Variants in AGBL1 observed in about 807,000 individuals in gnomAD.
AGBL1 encodes the protein cytosolic carboxypeptidase 4.
A neutral mutation model predicts 118.9 loss-of-function variants in AGBL1; 130 were observed. That is an observed-to-expected ratio of 1.09 (90% CI 0.95 to 1.26). The LOEUF (loss-of-function observed/expected upper bound fraction) is 1.26, where lower values mean the gene tolerates loss of function less well. Ranked by LOEUF, AGBL1 falls within the 50% of genes most tolerant of loss-of-function variation. AGBL1 has a pLI of 0.00. For missense variants in AGBL1, 1,584 were observed against 1,298.1 expected (o/e 1.22, Z -3.38); for synonymous variants, 555 against 478.9 (o/e 1.16, Z -2.08).
intron 21 of AGBL1, among the ~76,000 whole-genome samples, chr15:86,564,133 T>A (rs1163264953): frequency 6.6e-6 from 1 of 152,188 alleles, no homozygotes; most frequent in Non-Finnish European, 1.5e-5. Context: ...CATTTATATT[T>A]AAGGTTAATA....
intron 16 of AGBL1, among the ~76,000 whole-genome samples, chr15:86,284,247 G>A (rs111677403): frequency 2.7e-5 from 4 of 149,814 alleles, no homozygotes; most frequent in African/African-American, 9.8e-5. Context: ...GGCTACTGAT[G>A]GTTTTCTTGG....
chr15:86,252,500 C>T (rs561047475), intron 7 of AGBL1, among the ~76,000 whole-genome samples: 1 of 152,256 alleles, frequency 6.6e-6, no homozygotes, highest in South Asian at 2.1e-4. Context: ...GACTCATCAT[C>T]TTCAGGAAAC....
chr15:86,365,979 TG>T (rs1438050516), intron 17 of AGBL1, among the ~76,000 whole-genome samples: 1 of 152,216 alleles, frequency 6.6e-6, no homozygotes, highest in African/African-American at 2.4e-5. Flanking sequence ...CTGAGAAACT[TG>T]AATCAAAGCA....
At chr15:86,957,542 C>T (rs905163950) in intron 23 of AGBL1, among the ~76,000 whole-genome samples, 5 of 151,776 alleles carry the variant, frequency 3.3e-5, no homozygotes, top group Admixed American at 6.6e-5. Context: ...AAATTAATCA[C>T]ATTACTATAT....
rs1008402125 is a variant in AGBL1, at chr15:86,602,192, T to G, written c.2994+47655T>G. Among the ~76,000 whole-genome samples, 22 of 152,294 alleles carry G rather than the reference T, an allele frequency of 1.4e-4. 1 individual carries two copies. Among genetic ancestry groups the G allele is most frequent in the African/African-American group, 4.6e-4 (19 of 41,576 alleles). The stretch of plus-strand genomic sequence containing the variant: ...TTGCCAGAGAAAATCTAATCCTCAC[T>G]AACAATGAGTCTGAGTTTTAGATTC... On this transcript the variant is annotated intron_variant, in intron 21 of 22. Coordinates refer to ENST00000614907, the MANE Select transcript of AGBL1 (RefSeq NM_001386094.1).
At chr15:86,823,841 G>T (rs1477124750) in intron 22 of AGBL1, among the ~76,000 whole-genome samples, 2 of 152,062 alleles carry the variant, frequency 1.3e-5, no homozygotes, top group African/African-American at 4.8e-5. Context: ...CATACTCATA[G>T]AATTATTGTG....
chr15:86,486,692 C>A (rs1470766582), intron 18 of AGBL1, among the ~76,000 whole-genome samples: 3 of 152,016 alleles, frequency 2.0e-5, no homozygotes, highest in African/African-American at 7.2e-5. Context: ...ATTTCTCAAC[C>A]TCATTGCTAT....
At chr15:86,350,475 G>A (rs2080608124) in intron 17 of AGBL1, among the ~76,000 whole-genome samples, 1 of 152,330 alleles carries the variant, frequency 6.6e-6, no homozygotes, top group South Asian at 2.1e-4. Context: ...GCATGTGCTG[G>A]TCGGGTGTCA....
intron 22 of AGBL1, among the ~76,000 whole-genome samples, chr15:86,863,346 A>C (rs549446272): frequency 6.6e-6 from 1 of 152,322 alleles, no homozygotes; most frequent in East Asian, 1.9e-4. Flanking sequence ...CCGTGAAGCC[A>C]ATGACTGGAT....
At chr15:86,497,056 A>G (rs532651241) in intron 18 of AGBL1, among the ~76,000 whole-genome samples, 4 of 151,950 alleles carry the variant, frequency 2.6e-5, no homozygotes, top group Non-Finnish European at 4.4e-5. Flanking sequence ...TACCTTCCCA[A>G]TTGAGATGAG....
At chr15:86,269,765 T>C (rs147868986) in intron 13 of AGBL1, among the ~76,000 whole-genome samples, 154 bp from the exon 14 acceptor site, 2 of 152,306 alleles carry the variant, frequency 1.3e-5, no homozygotes, top group East Asian at 3.9e-4. Context: ...TACCCAATAT[T>C]GTGGTATCAG....
intron 5 of AGBL1, 96 bp downstream of exon 5, chr15:86,159,122 T>C (rs1034456354): frequency 1.9e-5 from 22 of 1,147,214 alleles, no homozygotes; most frequent in Non-Finnish European, 2.5e-5. Flanking sequence ...CAGCTCAGTT[T>C]AGTGGTCATT....
At position 86,095,574 on chromosome 15, in the gene AGBL1, C is replaced by T. The variant is rs79821309; in HGVS notation, c.51+15551C>T. ...ATTCAGGAAGTTAGAAGGATTTTTC[C>T]GTGCCAGGAACTGGGGATGAAGACC... On this transcript the variant is annotated intron_variant, in intron 1 of 22. Coordinates refer to ENST00000614907, the MANE Select transcript of AGBL1 (RefSeq NM_001386094.1). Among the ~76,000 whole-genome samples the T allele has an allele frequency of 3.1e-3, 471 of 149,972 alleles. 16 individuals are homozygous for T. In the South Asian group the frequency reaches 0.068, roughly 22 times the overall value.
chr15:86,183,170 A>G (rs1290973867), intron 5 of AGBL1, among the ~76,000 whole-genome samples: 1 of 152,182 alleles, frequency 6.6e-6, no homozygotes, highest in Non-Finnish European at 1.5e-5. Flanking sequence ...TGGCTATCAG[A>G]GAGTTCTAAA....
intron 21 of AGBL1, among the ~76,000 whole-genome samples, chr15:86,649,400 A>G (rs1596336528): frequency 1.3e-5 from 2 of 152,314 alleles, no homozygotes; most frequent in South Asian, 4.1e-4. Context: ...ACAAGAGAGT[A>G]GGAGAATGAA....
chr15:86,576,530 G>A (rs568101787), intron 21 of AGBL1, among the ~76,000 whole-genome samples: 12 of 152,312 alleles, frequency 7.9e-5, no homozygotes, highest in Admixed American at 3.9e-4. Context: ...CAAAGTGACT[G>A]ACACAAGAGT....
At chr15:86,760,560 G>A (rs908122966) in intron 22 of AGBL1, among the ~76,000 whole-genome samples, 5 of 152,066 alleles carry the variant, frequency 3.3e-5, no homozygotes, top group Admixed American at 2.0e-4. Context: ...TCCTGTGAAT[G>A]TAAATGGACC....
At chr15:86,665,910 C>G (rs1007219498) in intron 21 of AGBL1, among the ~76,000 whole-genome samples, 2 of 152,074 alleles carry the variant, frequency 1.3e-5, no homozygotes, top group East Asian at 1.9e-4. Flanking sequence ...GATTTTTGTG[C>G]TTTCTCTATT....
chr15:86,968,369 A>C (rs1421063686), intron 23 of AGBL1, among the ~76,000 whole-genome samples: 1 of 151,934 alleles, frequency 6.6e-6, no homozygotes, highest in East Asian at 1.9e-4. Flanking sequence ...CAGTGGAAAA[A>C]AACGACTTCT....
Sources: allele counts gnomAD v4.1 joint callset (sites outside exome capture counted in the v4.1 genomes callset), GRCh38; gene constraint gnomAD v4.1.1; transcripts MANE v1.5; gene names NCBI Gene and HGNC (gene_info 2026-07-23, HGNC 2026-07-21).